RYR2: variants seen among roughly 807,000 people sequenced by gnomAD.
RYR2 encodes cardiac muscle ryanodine receptor-calcium release channel.
A neutral mutation model predicts 601.1 loss-of-function variants in RYR2; 227 were observed. The observed-to-expected ratio is 0.38, with a 90% confidence interval of 0.34 to 0.42. The LOEUF is 0.42. Ranked by LOEUF, RYR2 falls within the 10% of genes least tolerant of loss-of-function variation. RYR2 has a pLI of 1.00. For synonymous variants in RYR2, 2,223 were observed against 2,175.1 expected (o/e 1.02, Z -0.61); for missense variants, 4,646 against 6,156.5 (o/e 0.75, Z 8.21).
chr1:237,721,635 C>T (rs1237388801), intron 73 of RYR2, among the ~76,000 whole-genome samples: 1 of 152,150 alleles, frequency 6.6e-6, no homozygotes, highest in African/African-American at 2.4e-5. Context: ...TCTCCTGCCT[C>T]AGCCTCCCGA....
chr1:237,208,697 C>CTT, intron 1 of RYR2, among the ~76,000 whole-genome samples: 1 of 151,714 alleles, frequency 6.6e-6, no homozygotes, highest in Admixed American at 6.6e-5. Flanking sequence ...ACAGAGTTAC[C>CTT]TTTTTTCTGT....
At chr1:237,272,873 CCTGGAGA>C (rs1197036331) in intron 2 of RYR2, among the ~76,000 whole-genome samples, 1 of 151,838 alleles carries the variant, frequency 6.6e-6, no homozygotes, top group Non-Finnish European at 1.5e-5. Flanking sequence ...TAATTTTAGA[CCTGGAGA>C]CTGCATGAGA....
intron 84 of RYR2, among the ~76,000 whole-genome samples, chr1:237,768,079 T>A (rs1693979341): frequency 6.6e-6 from 1 of 152,208 alleles, no homozygotes; most frequent in Non-Finnish European, 1.5e-5. Flanking sequence ...TTTAAAAATT[T>A]GTTAACTTTA....
At chr1:237,072,137 TCTGACAACTCAGCAGGGCACGGGGGTC>T (rs1407597082) in intron 1 of RYR2, among the ~76,000 whole-genome samples, 4 of 152,170 alleles carry the variant, frequency 2.6e-5, no homozygotes, top group African/African-American at 9.6e-5. Context: ...GGGCTCCCGT[TCTGACAACTCAGCAGGGCACGGGGGTC>T]CTGCTTGTTC....
chr1:237,303,044 G>C (rs1693515896), intron 2 of RYR2, among the ~76,000 whole-genome samples: 1 of 152,140 alleles, frequency 6.6e-6, no homozygotes, highest in South Asian at 2.1e-4. Flanking sequence ...TGTTTTGAAA[G>C]AATTGTACTT....
chr1:237,652,320 CTCTA>C (rs1682840374), intron 51 of RYR2, among the ~76,000 whole-genome samples: 1 of 152,174 alleles, frequency 6.6e-6, no homozygotes, highest in African/African-American at 2.4e-5. Flanking sequence ...TCAAGTCTCA[CTCTA>C]TCTTACTGAG....
intron 27 of RYR2, among the ~76,000 whole-genome samples, chr1:237,556,157 G>A (rs1670851552): frequency 6.6e-6 from 1 of 151,816 alleles, no homozygotes; most frequent in African/African-American, 2.4e-5. Context: ...TACCTTATGG[G>A]TACCTACTTT....
intron 25 of RYR2, among the ~76,000 whole-genome samples, chr1:237,540,566 G>T (rs531751774): frequency 1.3e-5 from 2 of 152,102 alleles, no homozygotes; most frequent in South Asian, 2.1e-4. Flanking sequence ...AATTAGCCAC[G>T]CATGGTGGCA....
chr1:237,675,383 T>A (rs1387953170), intron 60 of RYR2, among the ~76,000 whole-genome samples: 1 of 152,114 alleles, frequency 6.6e-6, no homozygotes, highest in Non-Finnish European at 1.5e-5. Flanking sequence ...ATTCTTTAAG[T>A]CTTAGATTCA....
intron 1 of RYR2, chr1:237,121,031 T>TGC (rs33923070): frequency 2.0e-4 from 1 of 4,960 alleles, no homozygotes; most frequent in African/African-American, 3.1e-4. Context: ...TTTAAAATGC[T>TGC]GTGTGTGTGT....
intron 21 of RYR2, 61 bp downstream of exon 21, chr1:237,500,964 A>T: frequency 6.9e-7 from 1 of 1,439,376 alleles, no homozygotes; most frequent in Admixed American, 1.7e-5. Flanking sequence ...TCCACAGAAG[A>T]CTCTGCACTG....
At chr1:237,787,063 T>G (rs1657679502) in intron 91 of RYR2, among the ~76,000 whole-genome samples, 2 of 152,290 alleles carry the variant, frequency 1.3e-5, no homozygotes, top group Admixed American at 1.3e-4. Context: ...ATGACTTCAC[T>G]TTAATTTAAT....
chr1:237,655,837 T>C lies in RYR2; in HGVS notation c.7982T>C (p.Leu2661Pro). The change falls in exon 53 of 105, where the codon CTT (leucine) becomes CCT (proline). Residue 2661 changes from leucine to proline, a missense_variant. By Grantham distance (98) the Leu-to-Pro change is moderately conservative. This residue lies in a region of RYR2 where 1,497 missense variants were observed against 1,842.6 expected (regional missense o/e 0.81). Coordinates refer to ENST00000366574, the MANE Select transcript of RYR2 (RefSeq NM_001035.3). The part of the protein sequence containing the change: ...ALSQKKYEQE[L>P]FKLALPCLSA... ...TTTTCCCAGAAATATGAACAAGAAC[T>C]TTTCAAACTGGCACTGCCTTGCCTG... The C allele has an allele frequency of 6.3e-7, 1 of 1,598,616 alleles. No homozygotes were observed. The highest frequency in any genetic ancestry group is 1.1e-5 in the South Asian group (1 of 87,642).
intron 1 of RYR2, among the ~76,000 whole-genome samples, chr1:237,065,139 G>A (rs1018255379): frequency 6.6e-6 from 1 of 152,048 alleles, no homozygotes; most frequent in East Asian, 1.9e-4. Flanking sequence ...AATATTAAAA[G>A]CAGAAAGTTA....
chr1:237,280,752 A>G (rs1051659236), intron 2 of RYR2, among the ~76,000 whole-genome samples: 2 of 151,656 alleles, frequency 1.3e-5, no homozygotes, highest in Non-Finnish European at 2.9e-5. Flanking sequence ...TGTGATTCAT[A>G]AGTTATGTGG....
intron 53 of RYR2, among the ~76,000 whole-genome samples, chr1:237,657,244 C>G (rs1683334800): frequency 6.6e-6 from 1 of 152,018 alleles, no homozygotes; most frequent in Non-Finnish European, 1.5e-5. Flanking sequence ...TGCTGGAAAA[C>G]AACAGCAAAC....
chr1:237,598,918 C>T (rs1021451475), intron 34 of RYR2, among the ~76,000 whole-genome samples: 10 of 152,124 alleles, frequency 6.6e-5, no homozygotes, highest in African/African-American at 1.4e-4. Flanking sequence ...AGAGATGACT[C>T]AAATAAATAA....
rs1360443788 is a variant in RYR2 at position 237,217,544 on chromosome 1, CTG to C, written c.49-52951_49-52950del. ...CTTTTCTGTGCCTTCGTTTCCTTCT[CTG>C]TCAAATGGGAATAATAATAGCACCA... On this transcript the variant is annotated intron_variant, in intron 1 of 104. Coordinates refer to ENST00000366574, the MANE Select transcript of RYR2 (RefSeq NM_001035.3). Among the ~76,000 whole-genome samples the C allele has an allele frequency of 4.6e-5, 7 of 152,222 alleles. No individual in the cohort carries two copies. In the East Asian group the frequency reaches 1.4e-3, roughly 29 times the overall value.
intron 1 of RYR2, among the ~76,000 whole-genome samples, chr1:237,241,594 A>G (rs1041112257): frequency 6.6e-6 from 1 of 152,152 alleles, no homozygotes; most frequent in Non-Finnish European, 1.5e-5. Context: ...GTTTATTAAG[A>G]AAGTAAAGGA....
Sources: allele counts gnomAD v4.1 joint callset (sites outside exome capture counted in the v4.1 genomes callset), GRCh38; gene constraint gnomAD v4.1.1; regional missense constraint gnomAD v4.1.1; transcripts MANE v1.5; gene names NCBI Gene and HGNC (gene_info 2026-07-23, HGNC 2026-07-21).